Variants in TAF4B observed in about 807,000 individuals in gnomAD.
The protein encoded by TAF4B is transcription initiation factor TFIID subunit 4B.
A neutral mutation model predicts 86.4 loss-of-function variants in TAF4B; 38 were observed. The observed-to-expected ratio is 0.44, with a 90% CI of 0.34 to 0.58. The LOEUF (loss-of-function observed/expected upper bound fraction) is 0.58. Ranked by LOEUF, TAF4B falls within the 20% of genes least tolerant of loss-of-function variation. The probability of loss-of-function intolerance (pLI) is 0.02; values close to 1 mark genes in which losing one functional copy is unlikely to be tolerated. For missense variants in TAF4B, 988 were observed against 1,027.6 expected, an observed-to-expected ratio of 0.96 and a Z score of 0.53; for synonymous variants, 388 against 391.2, an observed-to-expected ratio of 0.99 and a Z score of 0.10.
chr18:26,370,454 C>T, intron 14 of TAF4B, among the ~76,000 whole-genome samples: 1 of 152,156 alleles, frequency 6.6e-6, no homozygotes. Context: ...TTGAACCACC[C>T]TTGCCAGTCC....
chr18:26,239,646 T>A lies in TAF4B; in HGVS notation c.343+12370T>A, dbSNP rs1042969204. ...GTTGCCATTGCTTTTGGTGTTTTAG[T>A]CATGAAGTCCTTGCCCATGCCTATG... is the stretch of plus-strand genomic sequence containing the variant. On this transcript the variant is annotated intron_variant, in intron 1 of 14. Transcript: ENST00000269142. Among the ~76,000 whole-genome samples the A allele has an allele frequency of 3.2e-3, 482 of 152,294 alleles. 5 individuals are homozygous for A. Among genetic ancestry groups the A allele is most frequent in the Non-Finnish European group, 2.5e-3 (167 of 68,010 alleles).
intron 3 of TAF4B, among the ~76,000 whole-genome samples, chr18:26,273,178 A>G (rs1256821524): frequency 1.3e-5 from 2 of 152,166 alleles, no homozygotes; most frequent in Non-Finnish European, 2.9e-5. Flanking sequence ...AATCACATGG[A>G]AAATATCTGA....
At chr18:26,303,242 C>T (rs1293096373) in intron 9 of TAF4B, among the ~76,000 whole-genome samples, 2 of 128,610 alleles carry the variant, frequency 1.6e-5, no homozygotes, top group Non-Finnish European at 3.3e-5. Context: ...CCTCCACTTT[C>T]ATACTCCCTC....
chr18:26,278,910 G>T (rs1161916238), intron 5 of TAF4B, among the ~76,000 whole-genome samples: 1 of 151,976 alleles, frequency 6.6e-6, no homozygotes, highest in Non-Finnish European at 1.5e-5. Context: ...TAGTCTTGCA[G>T]ATCCATAGCC....
chr18:26,269,251 A>G (rs2056282967), intron 3 of TAF4B, among the ~76,000 whole-genome samples: 2 of 152,066 alleles, frequency 1.3e-5, no homozygotes, highest in African/African-American at 2.4e-5. Context: ...AGTGATGGTA[A>G]GTGGGGGCCA....
chr18:26,309,693 A>G (rs922683679), intron 9 of TAF4B, among the ~76,000 whole-genome samples: 5 of 152,034 alleles, frequency 3.3e-5, no homozygotes, highest in African/African-American at 1.2e-4. Context: ...TTAGTTTCTG[A>G]TGCAGTTTTA....
chr18:26,368,446 C>T (rs2057385208), intron 14 of TAF4B, among the ~76,000 whole-genome samples: 1 of 152,152 alleles, frequency 6.6e-6, no homozygotes, highest in Admixed American at 6.5e-5. Context: ...AGTAATTTAA[C>T]TAAAAGTCTA....
At chr18:26,306,836 T>TG (rs11433167) in intron 9 of TAF4B, among the ~76,000 whole-genome samples, 151,600 of 152,192 alleles carry the variant, frequency 1, 75,509 homozygotes, top group East Asian at 1. Flanking sequence ...TGGAGTGCAG[T>TG]GCACGATCTC....
At chr18:26,350,175 A>G (rs1260477635) in intron 13 of TAF4B, among the ~76,000 whole-genome samples, 3 of 152,246 alleles carry the variant, frequency 2.0e-5, no homozygotes, top group East Asian at 3.8e-4. Context: ...TAAGACGTCA[A>G]AAGCGCCTGT....
At chr18:26,382,859 A>C (rs1376164759) in intron 14 of TAF4B, among the ~76,000 whole-genome samples, 1 of 152,118 alleles carries the variant, frequency 6.6e-6, no homozygotes, top group African/African-American at 2.4e-5. Context: ...TGGTAGAGGG[A>C]AATAAAAAGT....
At position 26,292,288 on chromosome 18, in the gene TAF4B, A is replaced by G. The variant is rs2056602811; in HGVS notation, c.1633A>G (p.Thr545Ala). Residue 545 changes from threonine (T) to alanine (A), a missense_variant, in exon 8 of 15, where the codon ACA becomes GCA. Thr to Ala is a moderately conservative substitution (Grantham distance 58). Transcript: ENST00000269142. ...AGGAGGCAATGAAAAACAAGTGACCACAATTTCACATTCCTCAACATTGAC... is the reference window on the plus strand; with the variant it reads ...AGGAGGCAATGAAAAACAAGTGACCGCAATTTCACATTCCTCAACATTGAC... ...PSGGNEKQVT[T>A]ISHSSTLTIQ... The G allele has an allele frequency of 1.2e-6, 2 of 1,614,080 alleles. No homozygotes were observed. The highest frequency in any genetic ancestry group is 1.7e-6 in the Non-Finnish European group (2 of 1,180,042).
At chr18:26,377,775 A>G (rs769842999) in intron 14 of TAF4B, among the ~76,000 whole-genome samples, 3 of 152,180 alleles carry the variant, frequency 2.0e-5, no homozygotes, top group Admixed American at 6.5e-5. Flanking sequence ...GTAGTTTGCT[A>G]ATGTTATTGT....
intron 6 of TAF4B, among the ~76,000 whole-genome samples, chr18:26,285,222 G>GTTTTTTTTTTTTGTTTTT (rs2056501259): frequency 3.7e-4 from 17 of 45,524 alleles, no homozygotes; most frequent in Non-Finnish European, 7.2e-4. Context: ...TTTTTTTTTT[G>GTTTTTTTTTTTTGTTTTT]TTTTTTTTTT....
intron 1 of TAF4B, chr18:26,255,754 C>T: frequency 6.3e-7 from 1 of 1,584,030 alleles, no homozygotes; most frequent in Non-Finnish European, 8.7e-7. Flanking sequence ...GGCTTCTCGG[C>T]AGCTGCTTTC....
chr18:26,303,216 CT>C (rs2056758098), intron 9 of TAF4B, among the ~76,000 whole-genome samples: 1 of 120,956 alleles, frequency 8.3e-6, no homozygotes, highest in South Asian at 3.4e-4. Flanking sequence ...TTCATACCCC[CT>C]CCACTTTCAT....
At chr18:26,228,308 A>G (rs1479276604) in intron 1 of TAF4B, among the ~76,000 whole-genome samples, 3 of 152,206 alleles carry the variant, frequency 2.0e-5, no homozygotes, top group Non-Finnish European at 4.4e-5. Context: ...AAAAGATTCT[A>G]TATCCCCTAA....
intron 1 of TAF4B, among the ~76,000 whole-genome samples, chr18:26,236,643 C>T (rs565212713): frequency 6.6e-6 from 1 of 152,248 alleles, no homozygotes; most frequent in Admixed American, 6.5e-5. Context: ...ATAACAAGCC[C>T]TACCGGGTTA....
intron 12 of TAF4B, among the ~76,000 whole-genome samples, chr18:26,328,561 C>G (rs539898535): frequency 1.3e-5 from 2 of 152,148 alleles, no homozygotes; most frequent in Non-Finnish European, 2.9e-5. Context: ...TCTCAGTCCC[C>G]TTTCCCAGAT....
chr18:26,346,839 GTGTGTGTATATATATATATGTGTA>G (rs2057195148), intron 13 of TAF4B, among the ~76,000 whole-genome samples: 3 of 10,236 alleles, frequency 2.9e-4, no homozygotes, highest in Non-Finnish European at 7.5e-4. Flanking sequence ...ATATATATGT[GTGTGTGTATATATATATATGTGTA>G]TATATATATA....
Sources: allele counts gnomAD v4.1 joint callset (sites outside exome capture counted in the v4.1 genomes callset), GRCh38; gene constraint gnomAD v4.1.1; transcripts MANE v1.5; gene names NCBI Gene and HGNC (gene_info 2026-07-23, HGNC 2026-07-21).